The following PDE8B variants were observed in gnomAD, a reference collection of about 807,000 sequenced individuals.
PDE8B encodes the protein phosphodiesterase 8B.
PDE8B carries 26 observed loss-of-function variants against 101.3 expected under a neutral mutation model. The ratio of observed to expected loss-of-function variants is 0.26; its 90% CI spans 0.19 to 0.36. The LOEUF (loss-of-function observed/expected upper bound fraction) is 0.36. Ranked by LOEUF, PDE8B falls within the 10% of genes least tolerant of loss-of-function variation. The pLI, the probability that PDE8B is intolerant of heterozygous loss-of-function variation, is 1.00. For missense variants in PDE8B, 810 were observed against 1,163.1 expected, an observed-to-expected ratio of 0.70 and a Z score of 4.42; for synonymous variants, 424 against 429.3, an observed-to-expected ratio of 0.99 and a Z score of 0.15.
intron 19 of PDE8B, among the ~76,000 whole-genome samples, chr5:77,421,098 C>G (rs1796544474): frequency 6.6e-6 from 1 of 152,164 alleles, no homozygotes; most frequent in South Asian, 2.1e-4. Context: ...CGTGTCCTGG[C>G]CACATGGCTC....
At chr5:77,296,012 T>C (rs1768459229) in intron 1 of PDE8B, among the ~76,000 whole-genome samples, 1 of 152,206 alleles carries the variant, frequency 6.6e-6, no homozygotes, top group African/African-American at 2.4e-5. Flanking sequence ...CTGAGTGGAC[T>C]AGCCCAAGTC....
chr5:77,288,940 C>T (rs1369459897), intron 1 of PDE8B, among the ~76,000 whole-genome samples: 1 of 150,498 alleles, frequency 6.6e-6, no homozygotes, highest in East Asian at 2.0e-4. Context: ...AGATTCTTCT[C>T]ATTTGTAGAA....
chr5:77,385,240 G>T (rs985074515), intron 10 of PDE8B, among the ~76,000 whole-genome samples: 1 of 152,136 alleles, frequency 6.6e-6, no homozygotes, highest in African/African-American at 2.4e-5. Context: ...GTTTCTTCTA[G>T]ATTTTCTGGT....
intron 1 of PDE8B, among the ~76,000 whole-genome samples, chr5:77,273,628 A>T (rs1763220382): frequency 2.6e-5 from 4 of 152,192 alleles, no homozygotes; most frequent in Admixed American, 2.6e-4. Context: ...AGTACAGGAT[A>T]AAAGCTTTGA....
chr5:77,222,161 T>C (rs1367823846), intron 1 of PDE8B, among the ~76,000 whole-genome samples: 6 of 152,176 alleles, frequency 3.9e-5, no homozygotes, highest in Non-Finnish European at 7.4e-5. Flanking sequence ...CTTTGTGACT[T>C]TGGAGAAGCT....
chr5:77,116,329 T>A, the PDE8B span, among the ~76,000 whole-genome samples: 2 of 148,404 alleles, frequency 1.3e-5, no homozygotes, highest in South Asian at 4.3e-4. Flanking sequence ...CCTCCCGGGT[T>A]CAAACAATTC....
intron 1 of PDE8B, among the ~76,000 whole-genome samples, chr5:77,260,330 T>C (rs1183999580): frequency 6.6e-6 from 1 of 152,124 alleles, no homozygotes; most frequent in Non-Finnish European, 1.5e-5. Context: ...TTTTCAGAAA[T>C]CAGTTCATCA....
intron 10 of PDE8B, among the ~76,000 whole-genome samples, chr5:77,385,837 G>A (rs11741219): frequency 0.22 from 29,528 of 134,062 alleles, 3,744 homozygotes; most frequent in Middle Eastern, 0.31. Context: ...TTGCACTGTC[G>A]CAGTGCAATG....
In PDE8B at chr5:77,210,798, A is replaced by ACACACAGGCCGGGGGG; in HGVS notation, c.-126_-111dup. The ACACACAGGCCGGGGGG allele has an allele frequency of 1.0e-6, 1 of 983,442 alleles. No individual in the cohort carries two copies. Among genetic ancestry groups the ACACACAGGCCGGGGGG allele is most frequent in the Non-Finnish European group, 1.2e-6 (1 of 830,334 alleles). The allele number at this position is 983,442 out of a possible 1,614,324, so 60.9% of individuals were successfully genotyped here. A position where few individuals can be genotyped will look rare whatever the true frequency, so the allele number is the denominator to read the frequency against. Reference sequence around the variant, plus strand: ...CGCGGCCAGCCCGACGGAGCGGCGGACACACAGGCCGGGGGGCGCGCAGTC... The same window carrying ACACACAGGCCGGGGGG: ...CGCGGCCAGCCCGACGGAGCGGCGGACACACAGGCCGGGGGGCACACAGGCCGGGGGGCGCGCAGTC... On this transcript the variant is annotated 5_prime_UTR_variant, in exon 1 of 22. Transcript: ENST00000264917. This position sits in a 1 kb window ranked among gnomAD's most constrained non-coding sequence, Gnocchi z 4.9.
At chr5:77,344,208 A>G (rs181359311) in intron 6 of PDE8B, among the ~76,000 whole-genome samples, 11 of 152,392 alleles carry the variant, frequency 7.2e-5, no homozygotes, top group Admixed American at 6.5e-5. Context: ...CAAATGTTAT[A>G]TACTGTACAT....
chr5:77,353,632 G>T (rs1247093824), intron 10 of PDE8B, among the ~76,000 whole-genome samples: 2 of 152,098 alleles, frequency 1.3e-5, no homozygotes, highest in African/African-American at 4.8e-5. Context: ...TTAGCTTGTG[G>T]CTGAGGAACT....
intron 1 of PDE8B, among the ~76,000 whole-genome samples, chr5:77,309,764 C>T (rs531737156): frequency 6.6e-6 from 1 of 151,796 alleles, no homozygotes; most frequent in African/African-American, 2.4e-5. Context: ...GGATTACAGG[C>T]GCCCAACACC....
the PDE8B span, among the ~76,000 whole-genome samples, chr5:77,134,129 T>C: frequency 6.6e-6 from 1 of 152,166 alleles, no homozygotes; most frequent in African/African-American, 2.4e-5. Flanking sequence ...CCACTGGTCA[T>C]ATCAGATACT....
chr5:77,395,126 T>C (rs1402041905), intron 10 of PDE8B, among the ~76,000 whole-genome samples: 3 of 152,006 alleles, frequency 2.0e-5, no homozygotes, highest in Non-Finnish European at 4.4e-5. Context: ...TTCATTCAAT[T>C]TCTTTTTTGA....
intron 20 of PDE8B, 109 bp downstream of exon 20, chr5:77,422,097 C>A: frequency 8.5e-7 from 1 of 1,182,812 alleles, no homozygotes; most frequent in Non-Finnish European, 1.2e-6. Flanking sequence ...ATTAGTTAAC[C>A]ACTCCTCCCT....
chr5:77,197,821 T>A, the PDE8B span, among the ~76,000 whole-genome samples: 1 of 152,226 alleles, frequency 6.6e-6, no homozygotes, highest in Non-Finnish European at 1.5e-5. Context: ...ACTTGTATTT[T>A]TCATTTCTAG....
At chr5:77,188,374 T>G in the PDE8B span, among the ~76,000 whole-genome samples, 1 of 152,240 alleles carries the variant, frequency 6.6e-6, no homozygotes, top group Non-Finnish European at 1.5e-5. Context: ...CATTTTCACA[T>G]CTTGAAGAGG....
intron 1 of PDE8B, among the ~76,000 whole-genome samples, chr5:77,221,269 T>G (rs2149432562): frequency 6.6e-6 from 1 of 152,338 alleles, no homozygotes; most frequent in South Asian, 2.1e-4. Flanking sequence ...TAGCTTCCCC[T>G]TCCAGTCTCT....
At chr5:77,095,843 A>C in the PDE8B span, among the ~76,000 whole-genome samples, 1 of 152,116 alleles carries the variant, frequency 6.6e-6, no homozygotes. Context: ...GCTTTAGCCG[A>C]CTTCATATTG....
Sources: gnomAD v4.1 joint callset for allele counts (sites outside exome capture counted in the v4.1 genomes callset) on GRCh38, gnomAD v4.1.1 for gene constraint, Gnocchi (gnomAD v3.1) non-coding constraint, MANE v1.5 for transcripts, NCBI Gene and HGNC (gene_info 2026-07-23, HGNC 2026-07-21) for gene names.